Variants in DOK6 observed in about 807,000 individuals in gnomAD.
DOK6 encodes the protein docking protein 6, also known as downstream of tyrosine kinase 6.
In DOK6, 22 loss-of-function variants were observed where a neutral mutation model predicts 44.0. The observed-to-expected ratio is 0.50, with a 90% CI of 0.36 to 0.71. The LOEUF (loss-of-function observed/expected upper bound fraction) is 0.71, where lower values mean the gene tolerates loss of function less well. Ranked by LOEUF, DOK6 falls within the 30% of genes least tolerant of loss-of-function variation. DOK6 has a pLI of 0.00. For missense variants in DOK6, 340 were observed against 416.4 expected, an observed-to-expected ratio of 0.82 and a Z score of 1.60; for synonymous variants, 166 against 145.5, an observed-to-expected ratio of 1.14 and a Z score of -1.01.
At chr18:69,520,961 T>C (rs913721555) in intron 1 of DOK6, among the ~76,000 whole-genome samples, 10 of 151,878 alleles carry the variant, frequency 6.6e-5, no homozygotes, top group African/African-American at 2.4e-4. Flanking sequence ...CTGAGTAGAA[T>C]ATGGAAGCAA....
At chr18:69,442,944 T>C (rs1979177935) in intron 1 of DOK6, among the ~76,000 whole-genome samples, 1 of 152,240 alleles carries the variant, frequency 6.6e-6, no homozygotes, top group African/African-American at 2.4e-5. Flanking sequence ...CCTTAGCAGA[T>C]GCTCAATAAA....
chr18:69,806,478 G>A (rs1981054917), intron 7 of DOK6, among the ~76,000 whole-genome samples: 1 of 151,904 alleles, frequency 6.6e-6, no homozygotes, highest in South Asian at 2.1e-4. Context: ...AGCTTACCCT[G>A]TATGTATTAA....
Position 69,477,795 on chromosome 18 carries a change from T to C in DOK6, c.66+76485T>C, listed in dbSNP as rs558154295. Among the ~76,000 whole-genome samples the C allele has an allele frequency of 5.9e-5, 9 of 152,314 alleles. No homozygotes were observed. The East Asian group carries it at 1.5e-3, about 26-fold the overall frequency. ...AGTTTAACAGCCAAGAAGATAACCT[T>C]ACATATTAGCATGAATTTGACCTTA... On this transcript the variant is annotated intron_variant, in intron 1 of 7. Coordinates refer to ENST00000382713, the MANE Select transcript of DOK6 (RefSeq NM_152721.6).
Position 69,846,439 on chromosome 18 carries a change from C to A in DOK6, c.*5056C>A, listed in dbSNP as rs1982346418. 6.6e-6 allele frequency: 1 copy of A among 152,150 alleles called. No homozygotes were observed. Among genetic ancestry groups the A allele is most frequent in the African/African-American group, 2.4e-5 (1 of 41,412 alleles). 9.4% of individuals were successfully genotyped at this position (152,150 alleles called of 1,614,324 possible). A position where few individuals can be genotyped will look rare whatever the true frequency, so the allele number is the denominator to read the frequency against. ...GCCATATGGCCTCAAAATAAATAAACCCTTGTACATTTAAGTGTTTTCCCA... is the reference window on the plus strand; with the variant it reads ...GCCATATGGCCTCAAAATAAATAAAACCTTGTACATTTAAGTGTTTTCCCA... On this transcript the variant is annotated 3_prime_UTR_variant, in exon 8 of 8. Coordinates refer to ENST00000382713, the MANE Select transcript of DOK6 (RefSeq NM_152721.6).
chr18:69,416,118 G>A (rs1273228593), intron 1 of DOK6, among the ~76,000 whole-genome samples: 3 of 142,980 alleles, frequency 2.1e-5, no homozygotes, highest in Non-Finnish European at 4.6e-5. Flanking sequence ...GGGATGGAGG[G>A]AGGGACGGAG....
chr18:69,652,856 G>T (rs1325298411), intron 3 of DOK6, among the ~76,000 whole-genome samples: 1 of 152,132 alleles, frequency 6.6e-6, no homozygotes, highest in Admixed American at 6.5e-5. Flanking sequence ...AAAGCATAGA[G>T]ATGATTCTAG....
At chr18:69,489,133 T>A (rs868535176) in intron 1 of DOK6, among the ~76,000 whole-genome samples, 3 of 152,202 alleles carry the variant, frequency 2.0e-5, no homozygotes, top group Non-Finnish European at 4.4e-5. Flanking sequence ...AGATTGTTTC[T>A]AAAAGGATCA....
At chr18:69,477,275 A>C (rs536345768) in intron 1 of DOK6, among the ~76,000 whole-genome samples, 3 of 152,202 alleles carry the variant, frequency 2.0e-5, no homozygotes, top group Non-Finnish European at 4.4e-5. Context: ...TCTAAGCCCA[A>C]AGCATCAGTT....
chr18:69,823,625 T>TTGTGTGTGTGTGTGTGTG (rs72248499), intron 7 of DOK6, among the ~76,000 whole-genome samples: 1 of 146,760 alleles, frequency 6.8e-6, no homozygotes, highest in Non-Finnish European at 1.5e-5. Context: ...GTGTGTGTGT[T>TTGTGTGTGTGTGTGTGTG]TGTGTGTGTG....
chr18:69,508,019 A>G (rs554656101), intron 1 of DOK6, among the ~76,000 whole-genome samples: 2 of 152,296 alleles, frequency 1.3e-5, no homozygotes, highest in Non-Finnish European at 2.9e-5. Context: ...TAGAGGCTAT[A>G]TGTCAGATTG....
chr18:69,570,785 A>G (rs1031515370), intron 2 of DOK6, among the ~76,000 whole-genome samples: 1 of 152,154 alleles, frequency 6.6e-6, no homozygotes, highest in Non-Finnish European at 1.5e-5. Context: ...ACAAAAAAGT[A>G]TCTTCAACCA....
chr18:69,434,888 C>T (rs1324356221), intron 1 of DOK6, among the ~76,000 whole-genome samples: 1 of 137,576 alleles, frequency 7.3e-6, no homozygotes, highest in East Asian at 2.3e-4. Context: ...CGCCACTGCA[C>T]TCCAGTCTGG....
intron 7 of DOK6, among the ~76,000 whole-genome samples, chr18:69,774,133 G>GATATATATATATATATAT (rs111360276): frequency 0.09 from 6,017 of 66,548 alleles, 885 homozygotes; most frequent in East Asian, 0.2. Flanking sequence ...ATATATATGA[G>GATATATATATATATATAT]ATATATATAT....
intron 7 of DOK6, among the ~76,000 whole-genome samples, chr18:69,839,627 G>T (rs924516465): frequency 3.9e-5 from 6 of 152,366 alleles, no homozygotes; most frequent in African/African-American, 1.4e-4. Flanking sequence ...TGGGGGAACC[G>T]ATGAGAAAAT....
chr18:69,778,702 A>G (rs1327896243), intron 7 of DOK6, among the ~76,000 whole-genome samples: 2 of 152,330 alleles, frequency 1.3e-5, no homozygotes, highest in East Asian at 3.9e-4. Context: ...ATCATATTCC[A>G]TAGTAGGAAG....
chr18:69,447,925 A>T (rs1177711452), intron 1 of DOK6, among the ~76,000 whole-genome samples: 1 of 152,176 alleles, frequency 6.6e-6, no homozygotes, highest in Non-Finnish European at 1.5e-5. Context: ...GGCAAATGTT[A>T]TCCCAGCCCT....
At chr18:69,744,179 G>T (rs530416622) in intron 6 of DOK6, among the ~76,000 whole-genome samples, 27 of 152,100 alleles carry the variant, frequency 1.8e-4, no homozygotes, top group African/African-American at 6.0e-4. Flanking sequence ...GTGTGGTGGT[G>T]GGTGCCTGTA....
At chr18:69,508,983 T>C (rs948906516) in intron 1 of DOK6, among the ~76,000 whole-genome samples, 5 of 152,244 alleles carry the variant, frequency 3.3e-5, no homozygotes, top group African/African-American at 7.2e-5. Flanking sequence ...ATAAAAATCT[T>C]ATTTATATTG....
chr18:69,702,134 G>GTTTTTTTTTTTTTTTTTT (rs34123199), intron 5 of DOK6, among the ~76,000 whole-genome samples: 1 of 126,370 alleles, frequency 7.9e-6, no homozygotes, highest in African/African-American at 2.9e-5. Context: ...TTCTGGGTTG[G>GTTTTTTTTTTTTTTTTTT]TTTTTTTTTT....
Sources: gnomAD v4.1 joint callset for allele counts (sites outside exome capture counted in the v4.1 genomes callset) on GRCh38, gnomAD v4.1.1 for gene constraint, MANE v1.5 for transcripts, NCBI Gene and HGNC (gene_info 2026-07-23, HGNC 2026-07-21) for gene names.